The following FRMPD3 variants were observed in gnomAD, a reference collection of about 807,000 sequenced individuals.
The protein encoded by FRMPD3 is FERM and PDZ domain-containing protein 3.
In FRMPD3, 42 loss-of-function variants were observed where a neutral mutation model predicts 97.9. The ratio of observed to expected loss-of-function variants is 0.43; its 90% CI spans 0.34 to 0.55. The LOEUF is 0.55. FRMPD3 is among the 20% of genes least tolerant of loss of function. The pLI is 0.03. For missense variants in FRMPD3, 1,303 were observed against 1,457.7 expected, an observed-to-expected ratio of 0.89 and a Z score of 1.73; for synonymous variants, 577 against 581.1, an observed-to-expected ratio of 0.99 and a Z score of 0.10.
rs2147663216 is a variant in FRMPD3 at position 107,604,221 on chromosome X, C to G, written c.*848C>G. 1.0e-5 allele frequency: 1 copy of G among 97,540 alleles called. No individual in the cohort carries two copies. The highest frequency in any genetic ancestry group is 5.2e-4 in the South Asian group (1 of 1,919). 8.0% of individuals were successfully genotyped at this position (97,540 alleles called of 1,213,427 possible). On this transcript the variant is annotated 3_prime_UTR_variant, in exon 15 of 15. Transcript: ENST00000683843. ...TGCTGCAGGCATGAGGCTTCTCTCTCAACATCTCTCTACCAGACAGACTGT... is the reference window on the plus strand; with the variant it reads ...TGCTGCAGGCATGAGGCTTCTCTCTGAACATCTCTCTACCAGACAGACTGT...
chrX:107,592,874 G>A (rs1923980805), intron 13 of FRMPD3, among the ~76,000 whole-genome samples: 1 of 98,600 alleles, frequency 1.0e-5, no homozygotes, highest in Admixed American at 1.2e-4. Flanking sequence ...CACCTTCCGT[G>A]TTCAAGCCAT....
intron 1 of FRMPD3, among the ~76,000 whole-genome samples, chrX:107,478,696 C>G (rs17279987): frequency 0.015 from 1,685 of 111,683 alleles, 32 homozygotes; most frequent in South Asian, 0.15. Flanking sequence ...CCTGGTTTTG[C>G]TAGATTGTAA....
intron 1 of FRMPD3, among the ~76,000 whole-genome samples, chrX:107,479,222 G>T (rs941085076): frequency 1.8e-5 from 2 of 112,479 alleles, no homozygotes; most frequent in East Asian, 5.6e-4. Flanking sequence ...GAAGGCCATT[G>T]CTTCCACCCA....
intron 1 of FRMPD3, 21 bp from the exon 2 acceptor site, chrX:107,526,561 C>A: frequency 8.5e-7 from 1 of 1,176,754 alleles, no homozygotes; most frequent in South Asian, 1.9e-5. Flanking sequence ...TTGTTTTGCT[C>A]CCACCTTCCC....
intron 1 of FRMPD3, among the ~76,000 whole-genome samples, chrX:107,452,589 A>G (rs935713516): frequency 9.0e-6 from 1 of 111,628 alleles, no homozygotes; most frequent in Non-Finnish European, 1.9e-5. Context: ...GCCTGAACTC[A>G]GTAAGTGCCC....
At chrX:107,545,903 T>C in intron 5 of FRMPD3, 62 bp downstream of exon 5, 1 of 918,883 alleles carries the variant, frequency 1.1e-6, no homozygotes. Flanking sequence ...GCTGTCAAGC[T>C]CTCGCTCTGG....
intron 12 of FRMPD3, among the ~76,000 whole-genome samples, chrX:107,571,094 C>T (rs1922866568): frequency 8.9e-6 from 1 of 111,829 alleles, no homozygotes; most frequent in Non-Finnish European, 1.9e-5. Context: ...TGGGCCATTA[C>T]CATACCCCAT....
At chrX:107,595,553 G>A (rs1924125331) in intron 13 of FRMPD3, among the ~76,000 whole-genome samples, 1 of 111,423 alleles carries the variant, frequency 9.0e-6, no homozygotes, top group South Asian at 3.7e-4. Flanking sequence ...TGGTTCTATA[G>A]ATTTCGGTTA....
intron 6 of FRMPD3, among the ~76,000 whole-genome samples, chrX:107,551,310 A>G (rs1295493025): frequency 1.8e-5 from 2 of 110,564 alleles, no homozygotes; most frequent in East Asian, 2.9e-4. Context: ...TGGCTATTGA[A>G]GGGGGCATGG....
chrX:107,584,049 T>C (rs921993340), intron 13 of FRMPD3, among the ~76,000 whole-genome samples: 8 of 109,480 alleles, frequency 7.3e-5, no homozygotes, highest in South Asian at 4.0e-4. Flanking sequence ...GTATTTTTAG[T>C]AGAGATGGGG....
intron 14 of FRMPD3, among the ~76,000 whole-genome samples, chrX:107,599,160 C>T (rs1218419763): frequency 9.1e-6 from 1 of 110,097 alleles, no homozygotes; most frequent in African/African-American, 3.3e-5. Flanking sequence ...GTAGTCTCAG[C>T]TACTCAGGAG....
At chrX:107,530,657 A>C (rs929488480) in intron 3 of FRMPD3, 146 bp downstream of exon 3, 1 of 446,592 alleles carries the variant, frequency 2.2e-6, no homozygotes, top group African/African-American at 2.5e-5. Flanking sequence ...GCTAACCCAG[A>C]ACTTCAGGGG....
intron 6 of FRMPD3, among the ~76,000 whole-genome samples, chrX:107,551,711 C>G (rs1247349767): frequency 8.9e-6 from 1 of 112,339 alleles, no homozygotes; most frequent in African/African-American, 3.2e-5. Flanking sequence ...GGGGCTGTTA[C>G]ACTTGTAACA....
chrX:107,531,744 A>G (rs1012467940), intron 3 of FRMPD3, among the ~76,000 whole-genome samples: 1 of 111,277 alleles, frequency 9.0e-6, no homozygotes, highest in East Asian at 2.8e-4. Context: ...TACCACACCA[A>G]TATGAGGTGA....
rs775653402 is a variant in FRMPD3, at chrX:107,597,352, T to C, written c.1473T>C (p.Thr491=). ...DYMHSAHRPV[T]GGHLGKKESS... Reference sequence around the variant, plus strand: ...TGCACAGCGCCCACCGCCCTGTCACTGGGGGCCACCTGGGGAAAAAGGAGA... The same window carrying C: ...TGCACAGCGCCCACCGCCCTGTCACCGGGGGCCACCTGGGGAAAAAGGAGA... The change falls in exon 14 of 15, where the codon ACT becomes ACC. Residue 491 remains threonine (T), a synonymous_variant. Coordinates refer to ENST00000683843, the MANE Select transcript of FRMPD3 (RefSeq NM_001388459.1). 1 of 1,208,363 alleles carries C rather than the reference T, an allele frequency of 8.3e-7. No individual in the cohort carries two copies. Among genetic ancestry groups the C allele is most frequent in the African/African-American group, 1.7e-5 (1 of 57,658 alleles).
At chrX:107,519,014 A>G (rs1455903054) in intron 1 of FRMPD3, among the ~76,000 whole-genome samples, 4 of 112,402 alleles carry the variant, frequency 3.6e-5, no homozygotes, top group Non-Finnish European at 7.5e-5. Context: ...AGATACCTAC[A>G]GTAATCAAAT....
intron 1 of FRMPD3, among the ~76,000 whole-genome samples, chrX:107,501,357 T>C: frequency 1.2e-5 from 1 of 80,696 alleles, no homozygotes; most frequent in Admixed American, 1.4e-4. Context: ...TCTCCTATTT[T>C]TTTTTTTTTT....
Position 107,545,766 on chromosome X carries a change from G to A in FRMPD3, c.327G>A (p.Ala109=), listed in dbSNP as rs750213017. Residue 109 remains alanine (A), a synonymous_variant, in exon 5 of 15, where the codon GCG becomes GCA. Transcript: ENST00000683843. Reference sequence around the variant, plus strand: ...CCAAATCTGCTTTCATCAGTGCTGCGAAGAAGGCCAAGTTGAGGTCCAATC... The same window carrying A: ...CCAAATCTGCTTTCATCAGTGCTGCAAAGAAGGCCAAGTTGAGGTCCAATC... ...QSPKSAFISA[A]KKAKLRSNPV... 11 of 1,210,305 alleles carry A rather than the reference G, an allele frequency of 9.1e-6. No homozygotes were observed. Among genetic ancestry groups the A allele is most frequent in the East Asian group, 5.9e-5 (2 of 33,821 alleles).
Position 107,582,262 on chromosome X carries a change from C to T in FRMPD3, c.1441+5803C>T, listed in dbSNP as rs937268592. On this transcript the variant is annotated intron_variant, in intron 13 of 14. Coordinates refer to ENST00000683843, the MANE Select transcript of FRMPD3 (RefSeq NM_001388459.1). ...GCATGTGCACAATCTCAGCTCACTGCGACCTCTGCCTCCTGGGTTCAAGCA... is the reference window on the plus strand; with the variant it reads ...GCATGTGCACAATCTCAGCTCACTGTGACCTCTGCCTCCTGGGTTCAAGCA... Among the ~76,000 whole-genome samples the T allele has an allele frequency of 1.1e-4, 12 of 110,547 alleles. 1 individual carries two copies. Among genetic ancestry groups the T allele is most frequent in the African/African-American group, 2.6e-4 (8 of 30,342 alleles).
Sources: allele counts gnomAD v4.1 joint callset (sites outside exome capture counted in the v4.1 genomes callset), GRCh38; gene constraint gnomAD v4.1.1; transcripts MANE v1.5; gene names NCBI Gene and HGNC (gene_info 2026-07-23, HGNC 2026-07-21).